Variants in ZNF385D observed in about 807,000 individuals in gnomAD.
ZNF385D encodes zinc finger protein 659.
ZNF385D carries 15 observed loss-of-function variants against 35.8 expected under a neutral mutation model. The ratio of observed to expected loss-of-function variants is 0.42; its 90% CI spans 0.28 to 0.64. ZNF385D has a LOEUF of 0.64. Ranked by LOEUF, ZNF385D falls within the 30% of genes least tolerant of loss-of-function variation. The pLI is 0.23. For synonymous variants in ZNF385D, 212 were observed against 186.8 expected, an observed-to-expected ratio of 1.13 and a Z score of -1.10; for missense variants, 474 against 494.6, an observed-to-expected ratio of 0.96 and a Z score of 0.39.
intron 3 of ZNF385D, among the ~76,000 whole-genome samples, chr3:21,564,035 G>A (rs1193113873): frequency 2.0e-5 from 3 of 152,032 alleles, no homozygotes; most frequent in African/African-American, 7.2e-5. Flanking sequence ...AGTCTTTTGG[G>A]GCTTGAGTGG....
intron 3 of ZNF385D, among the ~76,000 whole-genome samples, chr3:21,934,752 T>G (rs1455948177): frequency 1.3e-5 from 2 of 152,294 alleles, no homozygotes; most frequent in East Asian, 3.9e-4. Context: ...ATTTCTGCCT[T>G]GAGGAAGGCT....
intron 2 of ZNF385D, among the ~76,000 whole-genome samples, chr3:22,327,568 A>G (rs546091620): frequency 6.6e-6 from 1 of 152,356 alleles, no homozygotes; most frequent in Non-Finnish European, 1.5e-5. Context: ...GGATTTCCTG[A>G]AGACTAACAC....
intron 4 of ZNF385D, among the ~76,000 whole-genome samples, chr3:21,479,589 TA>T (rs1704475297): frequency 6.6e-6 from 1 of 152,092 alleles, no homozygotes; most frequent in Non-Finnish European, 1.5e-5. Flanking sequence ...AGAATTAGAG[TA>T]TAAGAAAAGC....
At chr3:21,582,742 A>AT (rs1252881140) in intron 2 of ZNF385D, among the ~76,000 whole-genome samples, 2 of 149,460 alleles carry the variant, frequency 1.3e-5, no homozygotes, top group South Asian at 4.3e-4. Flanking sequence ...TTTTGGTTGC[A>AT]TTTTTAACAC....
chr3:22,180,738 C>T (rs891755292), intron 2 of ZNF385D, among the ~76,000 whole-genome samples: 3 of 152,090 alleles, frequency 2.0e-5, no homozygotes, highest in Non-Finnish European at 2.9e-5. Context: ...TTCAACAACG[C>T]TTCATGCTAA....
intron 3 of ZNF385D, among the ~76,000 whole-genome samples, chr3:22,078,042 C>A (rs2061941): frequency 0.047 from 7,207 of 151,994 alleles, 557 homozygotes; most frequent in African/African-American, 0.16. Context: ...AAACTGAAGA[C>A]AATCTATCTT....
chr3:21,676,620 G>A (rs9870622), intron 1 of ZNF385D, among the ~76,000 whole-genome samples: 9,905 of 152,004 alleles, frequency 0.065, 377 homozygotes, highest in East Asian at 0.13. Context: ...GTTCTTTGCT[G>A]GATAACTTTA....
chr3:21,726,444 A>G (rs999597067), intron 1 of ZNF385D, among the ~76,000 whole-genome samples: 4 of 152,198 alleles, frequency 2.6e-5, no homozygotes, highest in Non-Finnish European at 5.9e-5. Context: ...ATCTCAGCCC[A>G]AAATCTCCTT....
chr3:22,323,016 C>G (rs982398728), intron 2 of ZNF385D, among the ~76,000 whole-genome samples: 1 of 152,038 alleles, frequency 6.6e-6, no homozygotes, highest in African/African-American at 2.4e-5. Context: ...TAACCGTACT[C>G]CTGAAAACGA....
intron 5 of ZNF385D, among the ~76,000 whole-genome samples, chr3:21,426,235 T>C (rs1701019563): frequency 6.6e-6 from 1 of 152,136 alleles, no homozygotes; most frequent in African/African-American, 2.4e-5. Context: ...TATAAACAGC[T>C]TAATGACTCT....
intron 2 of ZNF385D, among the ~76,000 whole-genome samples, chr3:21,595,080 C>T (rs1462878232): frequency 1.3e-5 from 2 of 152,144 alleles, no homozygotes; most frequent in Non-Finnish European, 2.9e-5. Flanking sequence ...AGAACTTAAA[C>T]TGGGAAAAGG....
intron 2 of ZNF385D, among the ~76,000 whole-genome samples, chr3:22,347,453 A>G (rs2125490292): frequency 6.6e-6 from 1 of 152,270 alleles, no homozygotes; most frequent in East Asian, 1.9e-4. Context: ...CCCCCAAGGA[A>G]GAGAAAGTAA....
intron 3 of ZNF385D, among the ~76,000 whole-genome samples, chr3:22,164,505 G>A (rs919884139): frequency 1.3e-5 from 2 of 151,716 alleles, no homozygotes; most frequent in South Asian, 2.1e-4. Context: ...AGGATTACAG[G>A]CATGAGCCAC....
intron 3 of ZNF385D, among the ~76,000 whole-genome samples, chr3:22,156,754 C>T (rs2125731284): frequency 6.6e-6 from 1 of 152,172 alleles, no homozygotes; most frequent in African/African-American, 2.4e-5. Flanking sequence ...CTAAATGTTA[C>T]TGTAGACTCC....
chr3:22,201,986 A>G (rs1390518761), intron 2 of ZNF385D, among the ~76,000 whole-genome samples: 2 of 152,066 alleles, frequency 1.3e-5, no homozygotes, highest in East Asian at 3.9e-4. Flanking sequence ...ACATATTAAA[A>G]GAGTCCAGAA....
At chr3:22,185,959 G>T (rs1336908406) in intron 2 of ZNF385D, among the ~76,000 whole-genome samples, 1 of 152,096 alleles carries the variant, frequency 6.6e-6, no homozygotes, top group South Asian at 2.1e-4. Context: ...GCATGAAAGG[G>T]TAGATCTCTA....
chr3:22,193,751 T>C (rs1290003255), intron 2 of ZNF385D, among the ~76,000 whole-genome samples: 1 of 152,036 alleles, frequency 6.6e-6, no homozygotes, highest in Non-Finnish European at 1.5e-5. Flanking sequence ...GGCATTTACA[T>C]TGTGTTTCAT....
At chr3:21,550,703 G>A (rs1340282800) in intron 3 of ZNF385D, among the ~76,000 whole-genome samples, 6 of 152,088 alleles carry the variant, frequency 3.9e-5, no homozygotes, top group Admixed American at 2.0e-4. Context: ...GGCTGGTCTC[G>A]AATTCCTGAC....
intron 4 of ZNF385D, chr3:21,459,331 C>A (rs564624996): frequency 6.6e-6 from 1 of 152,060 alleles, no homozygotes; most frequent in Non-Finnish European, 1.5e-5. Context: ...AAATTACTAA[C>A]CTTTTTCCCA....
Sources: gnomAD v4.1 joint callset for allele counts (sites outside exome capture counted in the v4.1 genomes callset) on GRCh38, gnomAD v4.1.1 for gene constraint, MANE v1.5 for transcripts, NCBI Gene and HGNC (gene_info 2026-07-23, HGNC 2026-07-21) for gene names.